The following TAFA2 variants were observed in gnomAD, a reference collection of about 807,000 sequenced individuals.
The protein encoded by TAFA2 is TAFA chemokine like family member 2, also known as chemokine-like protein TAFA-2.
A neutral mutation model predicts 18.8 loss-of-function variants in TAFA2; 7 were observed. The ratio of observed to expected loss-of-function variants is 0.37; its 90% CI spans 0.21 to 0.70. The LOEUF is 0.70. Among genes scored for constraint, TAFA2 ranks in the 30% least tolerant of loss-of-function variants. The probability of loss-of-function intolerance (pLI) is 0.53; values close to 1 mark genes in which losing one functional copy is unlikely to be tolerated. For synonymous variants in TAFA2, 60 were observed against 54.2 expected, an observed-to-expected ratio of 1.11 and a Z score of -0.47; for missense variants, 122 against 158.1, an observed-to-expected ratio of 0.77 and a Z score of 1.23.
chr12:62,097,947 G>A (rs986894018), intron 1 of TAFA2, among the ~76,000 whole-genome samples: 1 of 151,990 alleles, frequency 6.6e-6, no homozygotes, highest in South Asian at 2.1e-4. Context: ...GCTGAACCCC[G>A]GAAAACTAAA....
chr12:61,733,990 T>A (rs1868262703), intron 4 of TAFA2, among the ~76,000 whole-genome samples: 1 of 148,426 alleles, frequency 6.7e-6, no homozygotes, highest in Non-Finnish European at 1.5e-5. Flanking sequence ...GTCCTTCACA[T>A]CCCTTGTAAG....
At chr12:61,850,434 A>G (rs1873595002) in intron 2 of TAFA2, among the ~76,000 whole-genome samples, 1 of 151,972 alleles carries the variant, frequency 6.6e-6, no homozygotes, top group Non-Finnish European at 1.5e-5. Flanking sequence ...TTATCTGTAC[A>G]GTATCCACTA....
At chr12:62,079,498 CAAA>C (rs368325566) in intron 1 of TAFA2, among the ~76,000 whole-genome samples, 2 of 109,336 alleles carry the variant, frequency 1.8e-5, no homozygotes, top group Non-Finnish European at 4.1e-5. Flanking sequence ...ACTAAAAATA[CAAA>C]AAAAAAAAAA....
intron 1 of TAFA2, among the ~76,000 whole-genome samples, chr12:61,995,958 G>T (rs1880172113): frequency 6.6e-6 from 1 of 151,872 alleles, no homozygotes; most frequent in South Asian, 2.1e-4. Context: ...TGTAAATCAT[G>T]TCCCAATAAT....
intron 2 of TAFA2, among the ~76,000 whole-genome samples, chr12:61,833,364 A>G (rs137997798): frequency 7.2e-4 from 110 of 151,866 alleles, no homozygotes; most frequent in African/African-American, 2.2e-3. Context: ...TGGCCTAGTC[A>G]GTAGAGTCAA....
chr12:61,808,149 A>C (rs1367331205), intron 2 of TAFA2, among the ~76,000 whole-genome samples: 1 of 151,550 alleles, frequency 6.6e-6, no homozygotes, highest in African/African-American at 2.4e-5. Context: ...GGAGGGACCC[A>C]GTGAAAGGTA....
rs185057184 is a variant in TAFA2 at position 61,979,121 on chromosome 12, C to G, written c.-1-111695G>C. Among the ~76,000 whole-genome samples, 7 of 152,246 alleles carry G rather than the reference C, an allele frequency of 4.6e-5. No homozygotes were observed. The East Asian group carries it at 1.4e-3, about 29-fold the overall frequency. ...TCTGCAGATAACGTCATGTTACTCTCTTTTGCTATCCAATAATAACCACTA... is the reference window on the plus strand; with the variant it reads ...TCTGCAGATAACGTCATGTTACTCTGTTTTGCTATCCAATAATAACCACTA... On this transcript the variant is annotated intron_variant, in intron 1 of 4. Coordinates refer to ENST00000416284, the MANE Select transcript of TAFA2 (RefSeq NM_178539.5).
chr12:62,011,590 A>G (rs1880767984), intron 1 of TAFA2, among the ~76,000 whole-genome samples: 1 of 152,148 alleles, frequency 6.6e-6, no homozygotes, highest in African/African-American at 2.4e-5. Context: ...AATCTCAAGT[A>G]CCCAGGGACA....
intron 1 of TAFA2, among the ~76,000 whole-genome samples, chr12:62,015,611 T>C (rs1880912226): frequency 6.6e-6 from 1 of 152,212 alleles, no homozygotes; most frequent in Non-Finnish European, 1.5e-5. Context: ...GCAGAGTAGA[T>C]ACAGTCTTGC....
intron 1 of TAFA2, among the ~76,000 whole-genome samples, chr12:62,153,255 T>G (rs538261125): frequency 4.7e-4 from 72 of 152,304 alleles, no homozygotes; most frequent in African/African-American, 1.7e-3. Flanking sequence ...ATTATTATAT[T>G]ATGTGATATA....
chr12:62,069,918 C>A (rs938773022), intron 1 of TAFA2, among the ~76,000 whole-genome samples: 3 of 152,154 alleles, frequency 2.0e-5, no homozygotes, highest in African/African-American at 7.2e-5. Context: ...ATGTCAAGTT[C>A]TTCATAAAAT....
chr12:61,904,485 G>C (rs1876254225), intron 1 of TAFA2, among the ~76,000 whole-genome samples: 1 of 152,090 alleles, frequency 6.6e-6, no homozygotes, highest in Non-Finnish European at 1.5e-5. Context: ...CAGGTGCTGT[G>C]GTAGGTGCTA....
intron 1 of TAFA2, among the ~76,000 whole-genome samples, chr12:62,112,811 G>C (rs1161207177): frequency 6.6e-6 from 1 of 151,930 alleles, no homozygotes; most frequent in East Asian, 1.9e-4. Context: ...AAGTTCTCAT[G>C]CTGTGTTTTT....
intron 1 of TAFA2, among the ~76,000 whole-genome samples, chr12:61,988,879 AC>A (rs1174416363): frequency 1.3e-5 from 2 of 152,106 alleles, no homozygotes; most frequent in Non-Finnish European, 2.9e-5. Context: ...TTATCTTTTG[AC>A]ACTTAGGGAT....
rs111244320 is a variant in TAFA2 at position 61,940,807 on chromosome 12, C to G, written c.-1-73381G>C. On this transcript the variant is annotated intron_variant, in intron 1 of 4. Transcript: ENST00000416284. Reference sequence around the variant, plus strand: ...GGAAGAAGGAGTTAGGCAAAAGGAACAGTGAATGCCGCTGAATGCCACTAG... The same window carrying G: ...GGAAGAAGGAGTTAGGCAAAAGGAAGAGTGAATGCCGCTGAATGCCACTAG... Among the ~76,000 whole-genome samples, 400 of 152,238 alleles carry G rather than the reference C, an allele frequency of 2.6e-3. 1 individual carries two copies. Among genetic ancestry groups the G allele is most frequent in the African/African-American group, 9.1e-3 (378 of 41,526 alleles).
At chr12:61,738,439 T>C (rs1226303481) in intron 4 of TAFA2, among the ~76,000 whole-genome samples, 1 of 151,998 alleles carries the variant, frequency 6.6e-6, no homozygotes, top group Non-Finnish European at 1.5e-5. Flanking sequence ...ATTATACCAC[T>C]GGACATAGAA....
chr12:61,872,221 A>T lies in TAFA2; in HGVS notation c.-1-4795T>A, dbSNP rs568593725. ...AGTATAAAGGAGATGTATAAAAAAG[A>T]TAAAAGTGGAGGCTTAGAATCCAAC... is the stretch of plus-strand genomic sequence containing the variant. On this transcript the variant is annotated intron_variant, in intron 1 of 4. Coordinates refer to ENST00000416284, the MANE Select transcript of TAFA2 (RefSeq NM_178539.5). Among the ~76,000 whole-genome samples, 6 of 152,344 alleles carry T rather than the reference A, an allele frequency of 3.9e-5. No individual in the cohort carries two copies. The South Asian group carries it at 1.2e-3, about 32-fold the overall frequency.
At chr12:62,202,954 G>C (rs1368066231) in intron 1 of TAFA2, among the ~76,000 whole-genome samples, 1 of 146,114 alleles carries the variant, frequency 6.8e-6, no homozygotes, top group East Asian at 2.1e-4. Flanking sequence ...AGCCTCCTTT[G>C]TAGCTGGGAC....
intron 4 of TAFA2, among the ~76,000 whole-genome samples, chr12:61,746,703 C>G (rs528630904): frequency 3.3e-5 from 5 of 152,048 alleles, no homozygotes; most frequent in African/African-American, 1.2e-4. Context: ...GATGAATATA[C>G]CCTATTAGAT....
Sources: allele counts gnomAD v4.1 joint callset (sites outside exome capture counted in the v4.1 genomes callset), GRCh38; gene constraint gnomAD v4.1.1; transcripts MANE v1.5; gene names NCBI Gene and HGNC (gene_info 2026-07-23, HGNC 2026-07-21).